The following KMO variants were observed in gnomAD, a reference collection of about 807,000 sequenced individuals.
The protein encoded by KMO is kynurenine 3-monooxygenase.
KMO carries 24 observed loss-of-function variants against 57.8 expected under a neutral mutation model. The observed-to-expected ratio is 0.42, with a 90% CI of 0.30 to 0.58. KMO has a LOEUF of 0.58. Among genes scored for constraint, KMO ranks in the 20% least tolerant of loss-of-function variants. KMO has a pLI of 0.22. For synonymous variants in KMO, 210 were observed against 193.6 expected (o/e 1.08, Z -0.70); for missense variants, 483 against 588.2 (o/e 0.82, Z 1.85).
chr1:241,549,911 T>G, intron 3 of KMO, 137 bp downstream of exon 3: 1 of 630,814 alleles, frequency 1.6e-6, no homozygotes, highest in Non-Finnish European at 2.7e-6. Flanking sequence ...CTAAAGCTTT[T>G]AAAATTCGAA....
intron 2 of KMO, among the ~76,000 whole-genome samples, chr1:241,549,261 GAAA>G (rs1558414947): frequency 6.6e-4 from 94 of 142,124 alleles, no homozygotes; most frequent in African/African-American, 2.2e-3. Context: ...AAGAAAGAAA[GAAA>G]GAAAGGAAGG....
Position 241,594,401 on chromosome 1 carries a change from C to G in KMO, c.*2248C>G. On this transcript the variant is annotated 3_prime_UTR_variant, in exon 15 of 15. Coordinates refer to ENST00000366559, the MANE Select transcript of KMO (RefSeq NM_003679.5). ...CCAAAAGTGGCATCCAATTTAAGGC[C>G]CCATCTTTCGTTGCCATTCTTCATT... The G allele has an allele frequency of 2.5e-6, 4 of 1,601,066 alleles. No individual in the cohort carries two copies. The highest frequency in any genetic ancestry group is 3.4e-6 in the Non-Finnish European group (4 of 1,171,900).
intron 3 of KMO, 108 bp from the exon 4 acceptor site, chr1:241,550,847 A>T (rs1048440643): frequency 1.7e-6 from 1 of 601,316 alleles, no homozygotes; most frequent in Non-Finnish European, 2.9e-6. Context: ...CACAATTTTT[A>T]AAATTTCTTG....
At chr1:241,532,589 G>T in intron 1 of KMO, 91 bp downstream of exon 1, 1 of 964,850 alleles carries the variant, frequency 1.0e-6, no homozygotes, top group East Asian at 2.8e-5. Flanking sequence ...TCTGCAAATT[G>T]TTAATTTTCT....
intron 7 of KMO, among the ~76,000 whole-genome samples, chr1:241,562,696 C>T (rs12118651): frequency 0.28 from 42,633 of 151,916 alleles, 6,338 homozygotes; most frequent in Middle Eastern, 0.35. Flanking sequence ...AAAAATTAGC[C>T]AGGGATGTGG....
intron 10 of KMO, among the ~76,000 whole-genome samples, chr1:241,580,796 G>C (rs1242826706): frequency 1.3e-5 from 2 of 151,992 alleles, no homozygotes; most frequent in African/African-American, 2.4e-5. Context: ...GATGTTTCAT[G>C]TGCTAAGGAA....
At chr1:241,548,756 G>A in intron 1 of KMO, 73 bp from the exon 2 acceptor site, 1 of 897,714 alleles carries the variant, frequency 1.1e-6, no homozygotes, top group South Asian at 1.4e-5. Context: ...CTCACATGAT[G>A]TTTCATTTTG....
At chr1:241,571,990 C>G (rs1160603903) in intron 10 of KMO, among the ~76,000 whole-genome samples, 2 of 151,354 alleles carry the variant, frequency 1.3e-5, no homozygotes, top group African/African-American at 4.9e-5. Context: ...CCACAGCCTC[C>G]CCAGTAGCTG....
chr1:241,568,510 G>C lies in KMO; in HGVS notation c.820G>C (p.Val274Leu). The change falls in exon 10 of 15, where the codon GTG becomes CTG. Residue 274 changes from valine (V) to leucine (L), a missense_variant. By Grantham distance (32) the Val-to-Leu change is conservative (BLOSUM62 1). Transcript: ENST00000366559. ...AIPLIGEKLL[V>L]QDFFLLPAQP... ...TATTTTCCTTTGAAGGAAACTCCTA[G>C]TGCAAGATTTCTTCCTGTTGCCTGC... The C allele has an allele frequency of 1.2e-6, 2 of 1,613,718 alleles. No homozygotes were observed. Among genetic ancestry groups the C allele is most frequent in the South Asian group, 1.1e-5 (1 of 91,060 alleles).
At chr1:241,552,175 TGAGAGAGA>T (rs35145528) in intron 4 of KMO, among the ~76,000 whole-genome samples, 1 of 111,072 alleles carries the variant, frequency 9.0e-6, no homozygotes, top group South Asian at 2.6e-4. Context: ...TGAGTGTGTG[TGAGAGAGA>T]GAGAGAGAGA....
chr1:241,539,758 T>G (rs937533876), intron 1 of KMO, among the ~76,000 whole-genome samples: 1 of 152,134 alleles, frequency 6.6e-6, no homozygotes, highest in Non-Finnish European at 1.5e-5. Context: ...ATTCCCCCAC[T>G]AGTAATAAGG....
chr1:241,534,718 C>G (rs1660694656), intron 1 of KMO, among the ~76,000 whole-genome samples: 1 of 152,248 alleles, frequency 6.6e-6, no homozygotes, highest in Admixed American at 6.5e-5. Flanking sequence ...AGTCTCCCAG[C>G]TTTAACTCCT....
At chr1:241,570,221 T>C (rs1179489818) in intron 10 of KMO, among the ~76,000 whole-genome samples, 1 of 151,820 alleles carries the variant, frequency 6.6e-6, no homozygotes, top group African/African-American at 2.4e-5. Context: ...TTGCAGAAAC[T>C]TTTTTTTAGC....
intron 1 of KMO, among the ~76,000 whole-genome samples, chr1:241,541,101 T>C (rs1660942446): frequency 6.6e-6 from 1 of 151,992 alleles, no homozygotes; most frequent in Non-Finnish European, 1.5e-5. Flanking sequence ...TAGTGCAGAG[T>C]ACAGATTGAA....
At chr1:241,591,016 A>G (rs1663276820) in intron 14 of KMO, among the ~76,000 whole-genome samples, 1 of 152,150 alleles carries the variant, frequency 6.6e-6, no homozygotes, top group African/African-American at 2.4e-5. Flanking sequence ...TATTATCTTG[A>G]GAGAAACAGG....
At chr1:241,565,123 T>G in intron 8 of KMO, 65 bp downstream of exon 8, 1 of 932,726 alleles carries the variant, frequency 1.1e-6, no homozygotes, top group Admixed American at 1.8e-5. Context: ...ATTACTTACA[T>G]TTGTACTTAG....
chr1:241,573,366 G>A (rs1405084798), intron 10 of KMO, among the ~76,000 whole-genome samples: 1 of 152,076 alleles, frequency 6.6e-6, no homozygotes, highest in Non-Finnish European at 1.5e-5. Flanking sequence ...ATGTCCAGAG[G>A]AGTTTCTCCT....
chr1:241,559,452 T>A lies in KMO; in HGVS notation c.362-1213T>A, dbSNP rs75745728. Among the ~76,000 whole-genome samples, 308 of 152,298 alleles carry A rather than the reference T, an allele frequency of 2.0e-3. 2 individuals carry two copies. Among genetic ancestry groups the A allele is most frequent in the African/African-American group, 6.4e-3 (264 of 41,558 alleles). ...TATGTAAAAAATAAACATAATTTTTTAAAAGTTTTTTTCACAAACACATGT... is the reference window on the plus strand; with the variant it reads ...TATGTAAAAAATAAACATAATTTTTAAAAAGTTTTTTTCACAAACACATGT... On this transcript the variant is annotated intron_variant, in intron 5 of 14. Coordinates refer to ENST00000366559, the MANE Select transcript of KMO (RefSeq NM_003679.5).
At chr1:241,566,356 C>T (rs771749443) in intron 8 of KMO, 135 bp from the exon 9 acceptor site, 41 of 941,886 alleles carry the variant, frequency 4.4e-5, no homozygotes, top group Non-Finnish European at 6.0e-5. Context: ...AGTGACAGTG[C>T]CTTTCCTGTC....
Sources: allele counts gnomAD v4.1 joint callset (sites outside exome capture counted in the v4.1 genomes callset), GRCh38; gene constraint gnomAD v4.1.1; transcripts MANE v1.5; gene names NCBI Gene and HGNC (gene_info 2026-07-23, HGNC 2026-07-21).